Variants in AFAP1 observed in about 807,000 individuals in gnomAD.
AFAP1 encodes actin filament-associated protein 1.
In AFAP1, 75 loss-of-function variants were observed where a neutral mutation model predicts 93.9. The observed-to-expected ratio is 0.80, with a 90% CI of 0.66 to 0.97. The LOEUF is 0.97. Ranked by LOEUF, AFAP1 falls within the 50% of genes least tolerant of loss-of-function variation. The pLI is 0.00. For synonymous variants in AFAP1, 517 were observed against 430.7 expected (o/e 1.20, Z -2.48); for missense variants, 1,201 against 1,050.8 (o/e 1.14, Z -1.98).
In AFAP1 at chr4:7,781,423, T is replaced by G; in HGVS notation, c.1735A>C (p.Thr579Pro). Residue 579 changes from threonine to proline, a missense_variant, in exon 13 of 18, where the codon ACT becomes CCT. By Grantham distance (38) the Thr-to-Pro change is conservative. Transcript: ENST00000420658. ...YKYPASAQSV[T>P]NTSSVGRASL... The stretch of plus-strand genomic sequence containing the variant: ...GCCCTCCCCACAGAAGAGGTATTAG[T>G]GACAGACTGAGCGGAGGCAGGGTAT... The G allele has an allele frequency of 6.4e-7, 1 of 1,551,974 alleles. No homozygotes were observed. Among genetic ancestry groups the G allele is most frequent in the Non-Finnish European group, 8.7e-7 (1 of 1,147,084 alleles).
Position 7,760,725 on chromosome 4 carries a change from T to G in AFAP1, c.*3040A>C, listed in dbSNP as rs549196729. The G allele has an allele frequency of 6.6e-6, 1 of 152,248 alleles. No individual in the cohort carries two copies. The highest frequency in any genetic ancestry group is 1.5e-5 in the Non-Finnish European group (1 of 68,052). 9.4% of individuals were successfully genotyped at this position (152,248 alleles called of 1,614,324 possible). On this transcript the variant is annotated 3_prime_UTR_variant, in exon 18 of 18. Coordinates refer to ENST00000420658, the MANE Select transcript of AFAP1 (RefSeq NM_001134647.2). ...GAAGGCTGATGACACCTTAACAAAA[T>G]AGAGCCAGGAGCAGAGCCCTGAAGA...
intron 1 of AFAP1, among the ~76,000 whole-genome samples, chr4:7,905,600 C>T (rs10213406): frequency 0.051 from 7,701 of 152,248 alleles, 373 homozygotes; most frequent in African/African-American, 0.12. Context: ...ATTCCTTTCC[C>T]TCACTTGTCA....
At chr4:7,796,569 G>A (rs1490011439) in intron 10 of AFAP1, among the ~76,000 whole-genome samples, 3 of 151,758 alleles carry the variant, frequency 2.0e-5, no homozygotes, top group Admixed American at 6.6e-5. Context: ...CTAACACGGT[G>A]AAACCCTGTC....
chr4:7,834,980 C>G (rs1297786729), intron 6 of AFAP1, among the ~76,000 whole-genome samples: 1 of 139,920 alleles, frequency 7.1e-6, no homozygotes, highest in Admixed American at 7.3e-5. Context: ...CTGGGTGGCT[C>G]TTGAATGGAC....
At chr4:7,769,447 C>T (rs924947746) in intron 16 of AFAP1, among the ~76,000 whole-genome samples, 8 of 152,214 alleles carry the variant, frequency 5.3e-5, no homozygotes, top group Non-Finnish European at 1.0e-4. Flanking sequence ...CACTGGCTAA[C>T]GGGATGCAGC....
intron 6 of AFAP1, among the ~76,000 whole-genome samples, chr4:7,822,911 T>C (rs528059532): frequency 2.6e-5 from 4 of 151,970 alleles, no homozygotes; most frequent in Admixed American, 2.0e-4. Flanking sequence ...TTTTTTTTTT[T>C]CAACAGGGGA....
At chr4:7,795,646 C>T (rs914701846) in intron 10 of AFAP1, among the ~76,000 whole-genome samples, 4 of 151,840 alleles carry the variant, frequency 2.6e-5, no homozygotes, top group African/African-American at 9.7e-5. Flanking sequence ...AGGATGGTCT[C>T]GATCTCCTGA....
intron 1 of AFAP1, among the ~76,000 whole-genome samples, chr4:7,894,810 GA>G (rs1444663596): frequency 6.6e-6 from 1 of 152,170 alleles, no homozygotes. Context: ...TGCCAAAGAG[GA>G]AAAGCCTCGA....
chr4:7,772,896 C>G lies in AFAP1; in HGVS notation c.2177G>C (p.Ser726Thr). The G allele has an allele frequency of 6.2e-7, 1 of 1,614,222 alleles. No homozygotes were observed. ...TCCGCCCGCCAGCGCTTTCTTCAGG[C>G]TCTCCTTGACCTCCGTCAGCTCCAG... ...LELELTEVKE[S>T]LKKALAGGVT... Residue 726 changes from serine (S) to threonine (T), a missense_variant, in exon 16 of 18, where the codon AGC (serine) becomes ACC (threonine). By Grantham distance (58) the Ser-to-Thr change is moderately conservative. Coordinates refer to ENST00000420658, the MANE Select transcript of AFAP1 (RefSeq NM_001134647.2).
At chr4:7,783,846 G>A (rs1215350238) in intron 12 of AFAP1, among the ~76,000 whole-genome samples, 3 of 152,212 alleles carry the variant, frequency 2.0e-5, no homozygotes, top group Admixed American at 6.5e-5. Flanking sequence ...ACGCCTTTGA[G>A]GAAAAGGCGT....
chr4:7,850,863 G>C (rs1049328606), intron 4 of AFAP1, among the ~76,000 whole-genome samples: 3 of 152,224 alleles, frequency 2.0e-5, no homozygotes, highest in Admixed American at 1.3e-4. Flanking sequence ...TGACCTCATG[G>C]ATTATCGTTT....
chr4:7,770,520 G>A (rs921614432), intron 16 of AFAP1, among the ~76,000 whole-genome samples: 6 of 152,188 alleles, frequency 3.9e-5, no homozygotes, highest in Non-Finnish European at 8.8e-5. Flanking sequence ...CACCCTGGAA[G>A]GAAAGGCAAG....
At chr4:7,901,239 G>C (rs915213771) in intron 1 of AFAP1, among the ~76,000 whole-genome samples, 1 of 152,228 alleles carries the variant, frequency 6.6e-6, no homozygotes, top group African/African-American at 2.4e-5. Context: ...AGATGGGGAA[G>C]TCTCATTTAA....
intron 1 of AFAP1, among the ~76,000 whole-genome samples, chr4:7,914,167 G>A (rs529547767): frequency 3.1e-4 from 47 of 151,774 alleles, no homozygotes; most frequent in African/African-American, 1.1e-3. Flanking sequence ...CGATTCTCCT[G>A]CCTCAGCTTC....
chr4:7,828,598 G>A (rs1721635896), intron 6 of AFAP1, among the ~76,000 whole-genome samples: 1 of 152,142 alleles, frequency 6.6e-6, no homozygotes, highest in South Asian at 2.1e-4. Flanking sequence ...CAGAGGTGGT[G>A]GCAGAGGAAA....
chr4:7,915,923 A>T (rs1560234640), intron 1 of AFAP1, among the ~76,000 whole-genome samples: 2 of 152,374 alleles, frequency 1.3e-5, no homozygotes, highest in African/African-American at 2.4e-5. Context: ...GAATTTTTTT[A>T]AAAGTGGGGG....
intron 1 of AFAP1, among the ~76,000 whole-genome samples, chr4:7,880,943 T>C (rs544551012): frequency 6.6e-6 from 1 of 152,292 alleles, no homozygotes; most frequent in Admixed American, 6.5e-5. Flanking sequence ...GCTTCACACT[T>C]TACTGATGTG....
intron 6 of AFAP1, among the ~76,000 whole-genome samples, chr4:7,826,764 G>A (rs1473407462): frequency 6.6e-6 from 1 of 152,174 alleles, no homozygotes; most frequent in Non-Finnish European, 1.5e-5. Context: ...CCACCTGCAG[G>A]AGAGCCAGAT....
intron 6 of AFAP1, among the ~76,000 whole-genome samples, chr4:7,837,114 T>C (rs1295188706): frequency 6.6e-6 from 1 of 152,068 alleles, no homozygotes; most frequent in Non-Finnish European, 1.5e-5. Context: ...TAAAAGAAAT[T>C]TAACAATGTA....
Sources: allele counts gnomAD v4.1 joint callset (sites outside exome capture counted in the v4.1 genomes callset), GRCh38; gene constraint gnomAD v4.1.1; transcripts MANE v1.5; gene names NCBI Gene and HGNC (gene_info 2026-07-23, HGNC 2026-07-21).